Variants in B9D1 observed in about 807,000 individuals in gnomAD.
B9D1 encodes B9 domain-containing protein 1.
Under a neutral mutation model 26.1 loss-of-function variants are expected in B9D1, and 20 were observed. The observed-to-expected ratio is 0.77, with a 90% CI of 0.54 to 1.12. The LOEUF (loss-of-function observed/expected upper bound fraction) is 1.12, where lower values mean the gene tolerates loss of function less well. B9D1 is among the 50% of genes most tolerant of loss of function. The pLI is 0.00. For synonymous variants in B9D1, 105 were observed against 103.1 expected, an observed-to-expected ratio of 1.02 and a Z score of -0.11; for missense variants, 260 against 273.7, an observed-to-expected ratio of 0.95 and a Z score of 0.35.
chr17:19,343,058 C>G, downstream of B9D1: 1 of 1,370,612 alleles, frequency 7.3e-7, no homozygotes. Context: ...GCAGCTTCCA[C>G]GGCACAAGGG....
intron 5 of B9D1, chr17:19,344,515 A>G (rs940996581): frequency 3.6e-6 from 1 of 276,996 alleles, no homozygotes; most frequent in Non-Finnish European, 7.5e-6. Context: ...CGCCGCCGAC[A>G]CACCCACGCG....
chr17:19,366,280 C>G (rs968501740), upstream of B9D1, among the ~76,000 whole-genome samples: 10 of 152,050 alleles, frequency 6.6e-5, no homozygotes, highest in South Asian at 4.2e-4. Context: ...GGGGTGCACA[C>G]TAGGGGCAGG....
chr17:19,343,460 C>T lies in B9D1; in HGVS notation c.474G>A (p.Val158=). The T allele has an allele frequency of 6.2e-7, 1 of 1,614,192 alleles. No individual in the cohort carries two copies. The highest frequency in any genetic ancestry group is 8.5e-7 in the Non-Finnish European group (1 of 1,180,014). The change falls in exon 7 of 7, where the codon GTG becomes GTA. Residue 158 remains valine, a splice_region_variant and synonymous_variant. Coordinates refer to ENST00000261499, the MANE Select transcript of B9D1 (RefSeq NM_015681.6). ...KVVAQGEGRE[V]TRVRSQGFVT... The stretch of plus-strand genomic sequence containing the variant: ...CAAAGCCCTGAGAACGGACACGGGT[C>T]ACTGGGGACAGAAGGGCAGCATCAG...
At chr17:19,343,696 C>T in intron 6 of B9D1, 94 bp downstream of exon 6, 1 of 1,612,346 alleles carries the variant, frequency 6.2e-7, no homozygotes. Flanking sequence ...ATGTGCCTGG[C>T]AGGTCCCCGG....
At chr17:19,346,538 GTCC>G (rs1908817857) in intron 5 of B9D1, among the ~76,000 whole-genome samples, 1 of 152,214 alleles carries the variant, frequency 6.6e-6, no homozygotes, top group Non-Finnish European at 1.5e-5. Context: ...TGCGCTAATG[GTCC>G]TCGAGTCAGA....
At chr17:19,365,663 G>A (rs1018802291), upstream of B9D1, among the ~76,000 whole-genome samples, 2 of 152,094 alleles carry the variant, frequency 1.3e-5, no homozygotes, top group South Asian at 2.1e-4. This position sits in a 1 kb window ranked among gnomAD's most constrained non-coding sequence, Gnocchi z 5.0. Context: ...TGCGATCTCT[G>A]CAGCCCAGCT....
upstream of B9D1, among the ~76,000 whole-genome samples, chr17:19,365,166 G>T (rs549214114): frequency 2.0e-5 from 3 of 152,386 alleles, no homozygotes; most frequent in South Asian, 6.2e-4. The surrounding 1 kb of genome is among the most constrained non-coding windows in gnomAD (Gnocchi z 5.0). Context: ...CGGAGGCCTT[G>T]CCCCTTGCCA....
chr17:19,361,622 G>A (rs1911084724), intron 1 of B9D1, among the ~76,000 whole-genome samples: 1 of 152,094 alleles, frequency 6.6e-6, no homozygotes. Flanking sequence ...AGGCAGAGGC[G>A]GACAGGGTGG....
At chr17:19,342,187 G>T (rs1305587191), downstream of B9D1, among the ~76,000 whole-genome samples, 1 of 152,208 alleles carries the variant, frequency 6.6e-6, no homozygotes, top group African/African-American at 2.4e-5. Context: ...TACTGAGTGG[G>T]CTTCAGTAAG....
chr17:19,369,388 C>T lies in B9D1; in HGVS notation c.-298+8471G>A, dbSNP rs566618712. On this transcript the variant is annotated intron_variant, in intron 1 of 5. Transcript: ENST00000477478. ...CATGCTGGTAGCTTGCGATCAGCCA[C>T]GGAAGGAATATTTACACTAAGGAAA... Among the ~76,000 whole-genome samples, 34 of 152,160 alleles carry T rather than the reference C, an allele frequency of 2.2e-4. No individual in the cohort carries two copies. In the East Asian group the frequency reaches 3.3e-3, roughly 15 times the overall value.
downstream of B9D1, chr17:19,337,876 G>A: frequency 1.6e-6 from 1 of 641,954 alleles, no homozygotes; most frequent in Middle Eastern, 4.0e-4. Context: ...GGGGTGGGTG[G>A]GGATGGGCAA....
chr17:19,373,689 C>G (rs549960565), intron 1 of B9D1, among the ~76,000 whole-genome samples: 1 of 152,028 alleles, frequency 6.6e-6, no homozygotes, highest in East Asian at 1.9e-4. Context: ...CCGCGCCCAG[C>G]CTAATTTTTG....
intron 5 of B9D1, among the ~76,000 whole-genome samples, chr17:19,344,150 C>T (rs913992605): frequency 6.6e-6 from 1 of 152,200 alleles, no homozygotes; most frequent in Middle Eastern, 3.2e-3. Context: ...GTTTGGTTCA[C>T]TGGGAATGAG....
At chr17:19,335,619 G>T, downstream of B9D1, 1 of 613,180 alleles carries the variant, frequency 1.6e-6, no homozygotes, top group Non-Finnish European at 2.6e-6. Context: ...TAAGACAGGG[G>T]TGGGGGGCTA....
At chr17:19,346,734 T>C (rs1464252791) in intron 5 of B9D1, among the ~76,000 whole-genome samples, 6 of 152,162 alleles carry the variant, frequency 3.9e-5, no homozygotes, top group Non-Finnish European at 8.8e-5. Flanking sequence ...CTGGCCACAC[T>C]GCCGTCCTGG....
In B9D1 at chr17:19,372,536, ATG is replaced by A. The variant is rs1047069303; in HGVS notation, c.-298+5321_-298+5322del. Among the ~76,000 whole-genome samples, 17 of 151,796 alleles carry A rather than the reference ATG, an allele frequency of 1.1e-4. No homozygotes were observed. Among genetic ancestry groups the A allele is most frequent in the African/African-American group, 4.1e-4 (17 of 41,272 alleles). On this transcript the variant is annotated intron_variant, in intron 1 of 5. Coordinates refer to the B9D1 transcript ENST00000477478. This position sits in a 1 kb window ranked among gnomAD's most constrained non-coding sequence, Gnocchi z 4.4. ...GCTCGTCTATTAGGTCCTGACTTACATGTCACTTCCAGGGCCCCTTCCCGACT... is the reference window on the plus strand; with the variant it reads ...GCTCGTCTATTAGGTCCTGACTTACATCACTTCCAGGGCCCCTTCCCGACT...
downstream of B9D1, chr17:19,340,930 C>G (rs137898681): frequency 4.8e-6 from 1 of 206,614 alleles, no homozygotes; most frequent in African/African-American, 2.3e-5. Context: ...CCTGATTTCA[C>G]AGTTTATTTT....
At chr17:19,357,129 T>C (rs1322457892) in intron 3 of B9D1, among the ~76,000 whole-genome samples, 1 of 152,286 alleles carries the variant, frequency 6.6e-6, no homozygotes, top group East Asian at 1.9e-4. Context: ...ATGATGTCAA[T>C]TTTGAGTGTC....
intron 1 of B9D1, among the ~76,000 whole-genome samples, chr17:19,375,010 G>C (rs1406191695): frequency 6.6e-6 from 1 of 152,132 alleles, no homozygotes; most frequent in Non-Finnish European, 1.5e-5. Context: ...TGGACAGAGG[G>C]CTGATGCGGT....
Sources: allele counts gnomAD v4.1 joint callset (sites outside exome capture counted in the v4.1 genomes callset), GRCh38; gene constraint gnomAD v4.1.1; non-coding constraint Gnocchi (gnomAD v3.1); transcripts MANE v1.5; gene names NCBI Gene and HGNC (gene_info 2026-07-23, HGNC 2026-07-21).